The following ERBB4 variants were observed in gnomAD, a reference collection of about 807,000 sequenced individuals.
ERBB4 encodes the protein receptor tyrosine-protein kinase erbB-4.
Under a neutral mutation model 158.0 loss-of-function variants are expected in ERBB4, and 42 were observed. The observed-to-expected ratio is 0.27, with a 90% CI of 0.21 to 0.34. ERBB4 has a LOEUF of 0.34. ERBB4 is among the 10% of genes least tolerant of loss of function. ERBB4 has a pLI of 1.00. For synonymous variants in ERBB4, 583 were observed against 558.7 expected, an observed-to-expected ratio of 1.04 and a Z score of -0.61; for missense variants, 1,333 against 1,624.1, an observed-to-expected ratio of 0.82 and a Z score of 3.08.
intron 16 of ERBB4, among the ~76,000 whole-genome samples, chr2:211,652,435 G>A (rs1333095967): frequency 1.3e-5 from 2 of 152,168 alleles, no homozygotes; most frequent in Non-Finnish European, 2.9e-5. Flanking sequence ...ATCTATGGAT[G>A]ATTTTGACTG....
intron 20 of ERBB4, among the ~76,000 whole-genome samples, chr2:211,519,409 T>C (rs527296197): frequency 6.6e-6 from 1 of 152,204 alleles, no homozygotes; most frequent in Non-Finnish European, 1.5e-5. Flanking sequence ...TTAAAGCCAT[T>C]CCCTATCTCC....
chr2:212,513,790 C>T (rs748882544), intron 1 of ERBB4, among the ~76,000 whole-genome samples: 7 of 149,736 alleles, frequency 4.7e-5, no homozygotes, highest in African/African-American at 1.5e-4. Context: ...CCAGCCTGGG[C>T]GACACGGCGA....
intron 20 of ERBB4, among the ~76,000 whole-genome samples, chr2:211,459,520 C>T (rs1159877117): frequency 6.6e-6 from 1 of 152,108 alleles, no homozygotes; most frequent in African/African-American, 2.4e-5. Flanking sequence ...GTGGGAAGGA[C>T]CTGGTGGAAG....
At chr2:211,962,373 C>A (rs368080912) in intron 2 of ERBB4, among the ~76,000 whole-genome samples, 41 of 152,200 alleles carry the variant, frequency 2.7e-4, no homozygotes, top group African/African-American at 9.4e-4. Flanking sequence ...AACATTTGCA[C>A]AATTTAGGCA....
At chr2:212,111,842 T>A (rs1300691294) in intron 2 of ERBB4, among the ~76,000 whole-genome samples, 2 of 151,612 alleles carry the variant, frequency 1.3e-5, no homozygotes, top group Admixed American at 1.3e-4. Context: ...AATCTGGGAA[T>A]GTCTGTGGCA....
chr2:211,587,748 C>G (rs1163489424), intron 19 of ERBB4, among the ~76,000 whole-genome samples: 2 of 152,098 alleles, frequency 1.3e-5, no homozygotes, highest in Non-Finnish European at 2.9e-5. Flanking sequence ...GAAACAAATG[C>G]TGGCGTGTAT....
At chr2:211,566,412 G>C (rs1467105431) in intron 19 of ERBB4, among the ~76,000 whole-genome samples, 2 of 152,300 alleles carry the variant, frequency 1.3e-5, no homozygotes, top group East Asian at 3.9e-4. Flanking sequence ...GACTGCTTGG[G>C]GGGCCAGGGT....
chr2:212,397,403 G>A (rs1471390801), intron 1 of ERBB4, among the ~76,000 whole-genome samples: 1 of 151,750 alleles, frequency 6.6e-6, no homozygotes, highest in Non-Finnish European at 1.5e-5. Flanking sequence ...AGCCTTAGAG[G>A]TCAAGGCTAC....
intron 15 of ERBB4, among the ~76,000 whole-genome samples, chr2:211,660,032 G>A (rs1275754345): frequency 6.6e-6 from 1 of 152,118 alleles, no homozygotes; most frequent in Non-Finnish European, 1.5e-5. Context: ...CAGACCTGAA[G>A]AAATGTATTG....
intron 1 of ERBB4, among the ~76,000 whole-genome samples, chr2:212,395,592 C>G (rs571109955): frequency 5.5e-5 from 8 of 144,218 alleles, no homozygotes; most frequent in Non-Finnish European, 7.5e-5. Context: ...AATGACAGGA[C>G]AGAATAGCAA....
chr2:212,369,359 G>A (rs893466116), intron 1 of ERBB4, among the ~76,000 whole-genome samples: 1 of 151,864 alleles, frequency 6.6e-6, no homozygotes, highest in African/African-American at 2.4e-5. Context: ...CCTGACCCTG[G>A]TACGCATTTG....
chr2:211,722,970 G>A (rs1430024400), intron 6 of ERBB4, among the ~76,000 whole-genome samples: 4 of 152,170 alleles, frequency 2.6e-5, no homozygotes, highest in African/African-American at 2.4e-5. Context: ...TATCACCACT[G>A]TCCTGTAAGA....
At chr2:211,831,214 T>G (rs2077211340) in intron 3 of ERBB4, among the ~76,000 whole-genome samples, 1 of 152,174 alleles carries the variant, frequency 6.6e-6, no homozygotes, top group African/African-American at 2.4e-5. Context: ...TCCAAAGGTT[T>G]TTCAAAATTT....
At chr2:211,896,085 T>A (rs2125018730) in intron 3 of ERBB4, among the ~76,000 whole-genome samples, 1 of 152,272 alleles carries the variant, frequency 6.6e-6, no homozygotes, top group East Asian at 1.9e-4. Context: ...CCTACCCAGG[T>A]GTTTTCACCA....
At chr2:211,877,172 T>C (rs1387057454) in intron 3 of ERBB4, among the ~76,000 whole-genome samples, 3 of 152,206 alleles carry the variant, frequency 2.0e-5, no homozygotes, top group Non-Finnish European at 4.4e-5. Flanking sequence ...GGTATATGTA[T>C]TTTATCCCTT....
At chr2:211,678,476 C>T (rs1180594705) in intron 13 of ERBB4, among the ~76,000 whole-genome samples, 1 of 152,130 alleles carries the variant, frequency 6.6e-6, no homozygotes, top group East Asian at 1.9e-4. Context: ...TTTTGCTTAA[C>T]TGTAAATTGC....
chr2:212,275,714 T>C (rs1390813162), intron 1 of ERBB4, among the ~76,000 whole-genome samples: 1 of 151,810 alleles, frequency 6.6e-6, no homozygotes, highest in Non-Finnish European at 1.5e-5. Context: ...TACCAGCCCC[T>C]GCAACAACAT....
intron 3 of ERBB4, among the ~76,000 whole-genome samples, chr2:211,877,462 C>T (rs747181411): frequency 3.3e-5 from 5 of 152,086 alleles, no homozygotes; most frequent in African/African-American, 7.2e-5. Context: ...TATATAAACA[C>T]TGTTTTTCTA....
At chr2:211,868,996 T>C (rs1180669887) in intron 3 of ERBB4, among the ~76,000 whole-genome samples, 3 of 152,198 alleles carry the variant, frequency 2.0e-5, no homozygotes, top group African/African-American at 7.2e-5. Context: ...ATCATTATGT[T>C]GCTCCCTACA....
Sources: gnomAD v4.1 joint callset for allele counts (sites outside exome capture counted in the v4.1 genomes callset) on GRCh38, gnomAD v4.1.1 for gene constraint, MANE v1.5 for transcripts, NCBI Gene and HGNC (gene_info 2026-07-23, HGNC 2026-07-21) for gene names.